The following ITPR1 variants were observed in gnomAD, a reference collection of about 807,000 sequenced individuals.
ITPR1 encodes the protein inositol 1,4,5-trisphosphate receptor type 1.
In ITPR1, 96 loss-of-function variants were observed where a neutral mutation model predicts 318.4. That is an observed-to-expected ratio of 0.30 (90% CI 0.26 to 0.36). ITPR1 has a LOEUF of 0.36. Ranked by LOEUF, ITPR1 falls within the 10% of genes least tolerant of loss-of-function variation. The pLI is 1.00. For missense variants in ITPR1, 2,440 were observed against 3,460.2 expected (o/e 0.71, Z 7.40); for synonymous variants, 1,312 against 1,289.9 (o/e 1.02, Z -0.37).
At chr3:4,803,755 T>C (rs922853737) in intron 54 of ITPR1, among the ~76,000 whole-genome samples, 6 of 152,230 alleles carry the variant, frequency 3.9e-5, no homozygotes, top group African/African-American at 1.4e-4. Context: ...CAGTTATCAC[T>C]TCTTTAACAC....
At chr3:4,620,332 G>C (rs1185140307) in intron 4 of ITPR1, among the ~76,000 whole-genome samples, 3 of 152,128 alleles carry the variant, frequency 2.0e-5, no homozygotes, top group African/African-American at 7.2e-5. Context: ...TTAGTCTCCT[G>C]CAGGGTTTGA....
intron 60 of ITPR1, among the ~76,000 whole-genome samples, chr3:4,827,289 T>C (rs759992275): frequency 2.4e-4 from 36 of 152,208 alleles, no homozygotes; most frequent in South Asian, 4.1e-4. Context: ...CTTCATTTCC[T>C]GTGTATTCTA....
In ITPR1 at chr3:4,675,221, G is replaced by C. The variant is rs771806357; in HGVS notation, c.2752G>C (p.Gly918Arg). Residue 918 changes from glycine to arginine, a missense_variant, in exon 23 of 62, where the codon GGT becomes CGT. Gly to Arg is a moderately radical substitution (Grantham distance 125). Transcript: ENST00000649015. ...SKMAKGEENK[G>R]NNDVEKLKSS... ...GATGGCGAAAGGAGAAGAGAATAAA[G>C]GTAACAATGATGTGGAGAAGCTGAA... 6.2e-7 allele frequency: 1 copy of C among 1,611,694 alleles called. No homozygotes were observed. Among genetic ancestry groups the C allele is most frequent in the African/African-American group, 1.3e-5 (1 of 74,886 alleles).
At chr3:4,844,613 A>C (rs2051619628) in intron 61 of ITPR1, among the ~76,000 whole-genome samples, 1 of 152,200 alleles carries the variant, frequency 6.6e-6, no homozygotes, top group Admixed American at 6.5e-5. Context: ...TTGTGAATTT[A>C]TTTCATGTGT....
chr3:4,584,234 A>G (rs767407840), intron 4 of ITPR1, among the ~76,000 whole-genome samples: 25 of 152,038 alleles, frequency 1.6e-4, no homozygotes, highest in Non-Finnish European at 2.8e-4. Flanking sequence ...TGTTCTCAGC[A>G]CCCACCTCAC....
chr3:4,739,445 C>T (rs568309692), intron 44 of ITPR1, among the ~76,000 whole-genome samples: 47 of 152,268 alleles, frequency 3.1e-4, no homozygotes, highest in Middle Eastern at 3.4e-3. Flanking sequence ...CAGGCCTACA[C>T]AGTTCCAGAA....
At chr3:4,535,642 T>C (rs1268073499) in intron 4 of ITPR1, among the ~76,000 whole-genome samples, 1 of 151,824 alleles carries the variant, frequency 6.6e-6, no homozygotes, top group Non-Finnish European at 1.5e-5. Flanking sequence ...AGACGGGGTT[T>C]CACTGTGTTA....
intron 46 of ITPR1, among the ~76,000 whole-genome samples, chr3:4,772,883 T>C (rs1044187372): frequency 6.6e-6 from 1 of 152,222 alleles, no homozygotes; most frequent in African/African-American, 2.4e-5. Flanking sequence ...TGGGAGAGGC[T>C]TTCAGGAATG....
At chr3:4,810,910 A>G (rs1250311165) in intron 55 of ITPR1, among the ~76,000 whole-genome samples, 1 of 152,218 alleles carries the variant, frequency 6.6e-6, no homozygotes, top group Non-Finnish European at 1.5e-5. Flanking sequence ...CATAAACTCA[A>G]TTCAGTACCT....
intron 3 of ITPR1, 31 bp downstream of exon 3, chr3:4,516,614 G>T: frequency 1.5e-6 from 2 of 1,338,260 alleles, no homozygotes; most frequent in Non-Finnish European, 2.1e-6. Flanking sequence ...GTGTGGCACG[G>T]TTTGTTTAAG....
At chr3:4,603,738 A>G (rs1199222766) in intron 4 of ITPR1, among the ~76,000 whole-genome samples, 4 of 152,148 alleles carry the variant, frequency 2.6e-5, no homozygotes, top group Admixed American at 6.6e-5. Flanking sequence ...TCACCAGTCC[A>G]CTGTTGACAG....
intron 32 of ITPR1, 99 bp from the exon 33 acceptor site, chr3:4,693,391 A>G: frequency 7.5e-7 from 1 of 1,326,156 alleles, no homozygotes; most frequent in Non-Finnish European, 1.1e-6. Context: ...GGGAAGATAA[A>G]TGCTAACAGA....
chr3:4,518,509 A>G (rs1224229153), intron 3 of ITPR1, among the ~76,000 whole-genome samples: 10 of 152,170 alleles, frequency 6.6e-5, no homozygotes, highest in Non-Finnish European at 1.5e-4. Context: ...CAGTGTAAAA[A>G]TGGGGTTGGA....
chr3:4,506,087 A>T (rs949332414), intron 2 of ITPR1, among the ~76,000 whole-genome samples: 4 of 152,198 alleles, frequency 2.6e-5, no homozygotes, highest in Non-Finnish European at 5.9e-5. Flanking sequence ...AATTGTCAAC[A>T]TAACTATGAG....
At chr3:4,828,001 C>T (rs1420320969) in intron 60 of ITPR1, among the ~76,000 whole-genome samples, 1 of 151,498 alleles carries the variant, frequency 6.6e-6, no homozygotes, top group Admixed American at 6.6e-5. Flanking sequence ...TGTGTCTAGG[C>T]GGGACTGACC....
intron 39 of ITPR1, among the ~76,000 whole-genome samples, chr3:4,714,578 C>T (rs950778049): frequency 3.3e-5 from 5 of 152,184 alleles, no homozygotes; most frequent in Admixed American, 1.3e-4. Flanking sequence ...TCAAGACTAC[C>T]GTCTGGGTTT....
At chr3:4,620,001 GGTT>G (rs1304892663) in intron 4 of ITPR1, among the ~76,000 whole-genome samples, 1 of 151,528 alleles carries the variant, frequency 6.6e-6, no homozygotes, top group Non-Finnish European at 1.5e-5. Flanking sequence ...TTTCACTTTT[GGTT>G]ATTATTTCCA....
At chr3:4,800,373 T>C (rs2048150266) in intron 53 of ITPR1, 52 bp from the exon 54 acceptor site, 2 of 1,583,978 alleles carry the variant, frequency 1.3e-6, no homozygotes, top group Non-Finnish European at 1.7e-6. Context: ...GTCTGTCCCC[T>C]GTACTCAGTG....
At chr3:4,513,374 C>T (rs941039823) in intron 2 of ITPR1, among the ~76,000 whole-genome samples, 3 of 152,180 alleles carry the variant, frequency 2.0e-5, no homozygotes, top group Admixed American at 2.0e-4. Context: ...GGTTTCTAGC[C>T]AGACCAGCAA....
Sources: gnomAD v4.1 joint callset for allele counts (sites outside exome capture counted in the v4.1 genomes callset) on GRCh38, gnomAD v4.1.1 for gene constraint, MANE v1.5 for transcripts, NCBI Gene and HGNC (gene_info 2026-07-23, HGNC 2026-07-21) for gene names.